FADS2: variants seen among roughly 807,000 people sequenced by gnomAD.
The protein encoded by FADS2 is acyl-CoA 6-desaturase.
In FADS2, 18 loss-of-function variants were observed where a neutral mutation model predicts 61.2. The ratio of observed to expected loss-of-function variants is 0.29; its 90% CI spans 0.20 to 0.44. The LOEUF (loss-of-function observed/expected upper bound fraction) is 0.44, where lower values mean the gene tolerates loss of function less well. Ranked by LOEUF, FADS2 falls within the 20% of genes least tolerant of loss-of-function variation. The probability of loss-of-function intolerance (pLI) is 1.00; values close to 1 mark genes in which losing one functional copy is unlikely to be tolerated. For synonymous variants in FADS2, 203 were observed against 223.9 expected, an observed-to-expected ratio of 0.91 and a Z score of 0.83; for missense variants, 322 against 572.7, an observed-to-expected ratio of 0.56 and a Z score of 4.47.
At position 61,865,804 on chromosome 11, in the gene FADS2, G is replaced by A. The variant is rs2067463855; in HGVS notation, c.*115G>A. ...GAGGCTGGTGTATGCACTGCTCACGGACCCCATGTTGGATCTTTCTCCCTT... is the reference window on the plus strand; with the variant it reads ...GAGGCTGGTGTATGCACTGCTCACGAACCCCATGTTGGATCTTTCTCCCTT... On this transcript the variant is annotated 3_prime_UTR_variant, in exon 12 of 12. Coordinates refer to ENST00000278840, the MANE Select transcript of FADS2 (RefSeq NM_004265.4). The surrounding 1 kb of genome is among the most constrained non-coding windows in gnomAD (Gnocchi z 4.1). 1.2e-6 allele frequency: 1 copy of A among 821,482 alleles called. No homozygotes were observed. The highest frequency in any genetic ancestry group is 2.3e-5 in the Admixed American group (1 of 44,386). The allele number at this position is 821,482 out of a possible 1,614,324, so 50.9% of individuals were successfully genotyped here. A position where few individuals can be genotyped will look rare whatever the true frequency, so the allele number is the denominator to read the frequency against.
At position 61,863,169 on chromosome 11, in the gene FADS2, C is replaced by G; in HGVS notation, c.980+100C>G. 6 of 1,437,458 alleles carry G rather than the reference C, an allele frequency of 4.2e-6. No individual in the cohort carries two copies. In the South Asian group the frequency reaches 6.9e-5, roughly 17 times the overall value. 89.0% of individuals were successfully genotyped at this position (1,437,458 alleles called of 1,614,324 possible). ...GGACGGCTCCACTTTGCCTGGGGACCTCCCATCCTGGCCCCTTGGCAGGGG... is the reference window on the plus strand; with the variant it reads ...GGACGGCTCCACTTTGCCTGGGGACGTCCCATCCTGGCCCCTTGGCAGGGG... On this transcript the variant is annotated intron_variant, in intron 8 of 11. Coordinates refer to ENST00000278840, the MANE Select transcript of FADS2 (RefSeq NM_004265.4).
intron 7 of FADS2, among the ~76,000 whole-genome samples, chr11:61,861,526 T>C (rs2135979711): frequency 6.6e-6 from 1 of 151,968 alleles, no homozygotes; most frequent in African/African-American, 2.4e-5. Flanking sequence ...TGTTTCCATA[T>C]ATGTGTAGAT....
Position 61,828,312 on chromosome 11 carries a change from C to T in FADS2, c.-79C>T. On this transcript the variant is annotated 5_prime_UTR_variant, in exon 1 of 12. Transcript: ENST00000278840. This position sits in a 1 kb window ranked among gnomAD's most constrained non-coding sequence, Gnocchi z 6.4. The stretch of plus-strand genomic sequence containing the variant: ...AGAGGGCCCGGGCTGCACACACCGG[C>T]TGGGAGGCAGCCGTCTGTGCAGCGA... 3 of 1,520,604 alleles carry T rather than the reference C, an allele frequency of 2.0e-6. No individual in the cohort carries two copies. Among genetic ancestry groups the T allele is most frequent in the African/African-American group, 2.8e-5 (2 of 72,648 alleles). 94.2% of individuals were successfully genotyped at this position (1,520,604 alleles called of 1,614,324 possible). A position where few individuals can be genotyped will look rare whatever the true frequency, so the allele number is the denominator to read the frequency against.
intron 5 of FADS2, among the ~76,000 whole-genome samples, chr11:61,853,042 C>A (rs970241423): frequency 2.0e-5 from 3 of 152,102 alleles, no homozygotes; most frequent in African/African-American, 7.2e-5. Flanking sequence ...GTAGTCTCGG[C>A]TACTCTGGAG....
intron 1 of FADS2, among the ~76,000 whole-genome samples, chr11:61,835,663 C>T (rs2067168004): frequency 6.6e-6 from 1 of 151,982 alleles, no homozygotes; most frequent in South Asian, 2.1e-4. Context: ...CCTCGGCCTC[C>T]CAAAGTGCTG....
chr11:61,833,404 G>A (rs757166768), intron 1 of FADS2, among the ~76,000 whole-genome samples: 1 of 152,192 alleles, frequency 6.6e-6, no homozygotes, highest in Non-Finnish European at 1.5e-5. Flanking sequence ...GCCAGCGTTT[G>A]AGACACATTT....
intron 1 of FADS2, among the ~76,000 whole-genome samples, chr11:61,831,599 C>G (rs1005889847): frequency 2.6e-5 from 4 of 152,180 alleles, no homozygotes; most frequent in Non-Finnish European, 5.9e-5. Context: ...TCCACAGAAG[C>G]TAAACCCTGA....
chr11:61,824,437 AGGGAGGGAGGGAGGGAG>A (rs1565325189), upstream of FADS2, among the ~76,000 whole-genome samples: 6 of 4,560 alleles, frequency 1.3e-3, no homozygotes, highest in African/African-American at 1.8e-3. Flanking sequence ...AGAGAGAGGG[AGGGAGGGAGGGAGGGAG>A]GGAGGGAGAG....
At chr11:61,861,666 G>T (rs537049918) in intron 7 of FADS2, among the ~76,000 whole-genome samples, 2 of 152,156 alleles carry the variant, frequency 1.3e-5, no homozygotes, top group Non-Finnish European at 2.9e-5. Context: ...TCCTGCCCTC[G>T]GCCAATGTTG....
In FADS2 at chr11:61,840,952, A is replaced by C. The variant is rs1048292904; in HGVS notation, c.618+227A>C. On this transcript the variant is annotated intron_variant, in intron 4 of 11. Transcript: ENST00000278840. ...CTACTCATTATGAAGACAGGCACAC[A>C]CCTTTCTTGTCTTTTGGCTCAGCGG... Among the ~76,000 whole-genome samples the C allele has an allele frequency of 2.0e-5, 3 of 152,142 alleles. No individual in the cohort carries two copies. The South Asian group carries it at 6.2e-4, about 32-fold the overall frequency.
chr11:61,861,362 A>AAAAAAAAAAAAAAAAAAACAAAAAAAC (rs2067414056), intron 7 of FADS2, among the ~76,000 whole-genome samples: 1 of 143,386 alleles, frequency 7.0e-6, no homozygotes, highest in Admixed American at 6.9e-5. Flanking sequence ...TCAAAAAAAA[A>AAAAAAAAAAAAAAAAAAACAAAAAAAC]AAAAAAAAAC....
At chr11:61,854,253 G>C (rs1354804195) in intron 5 of FADS2, 1 of 152,294 alleles carries the variant, frequency 6.6e-6, no homozygotes, top group Non-Finnish European at 1.5e-5. Flanking sequence ...GGGGCTCTGA[G>C]CCCCCAGTTG....
chr11:61,838,156 A>G (rs1385839857), intron 2 of FADS2, among the ~76,000 whole-genome samples: 1 of 152,152 alleles, frequency 6.6e-6, no homozygotes, highest in Non-Finnish European at 1.5e-5. Flanking sequence ...AAGGTGCCAG[A>G]TGACAATCTA....
intron 9 of FADS2, 124 bp downstream of exon 9, chr11:61,863,502 G>A: frequency 1.2e-6 from 1 of 819,334 alleles, no homozygotes; most frequent in Non-Finnish European, 2.0e-6. Flanking sequence ...TCCTTTTGCT[G>A]GGAGCTTCAG....
At chr11:61,824,164 C>G (rs174565), upstream of FADS2, among the ~76,000 whole-genome samples, 23,261 of 151,518 alleles carry the variant, frequency 0.15, 3,193 homozygotes, top group East Asian at 0.55. Context: ...GGCAGATCAC[C>G]TGAGGTCGGG....
At chr11:61,854,363 CG>C (rs1274964878) in intron 5 of FADS2, 1 of 152,252 alleles carries the variant, frequency 6.6e-6, no homozygotes, top group Non-Finnish European at 1.5e-5. Context: ...ACCCGTGAGG[CG>C]GGAGCTGTCA....
At chr11:61,826,623 A>C (rs548545950), upstream of FADS2, 1 of 564,034 alleles carries the variant, frequency 1.8e-6, no homozygotes, top group Non-Finnish European at 3.1e-6. Context: ...TTTGTACAGA[A>C]GGCTTTTGTT....
At chr11:61,822,671 G>T (rs1357991114) in intron 1 of FADS2, among the ~76,000 whole-genome samples, 1 of 151,968 alleles carries the variant, frequency 6.6e-6, no homozygotes, top group Non-Finnish European at 1.5e-5. Flanking sequence ...CATTTTGCTG[G>T]GCCTTTAATG....
chr11:61,856,295 A>C (rs2067358650), intron 5 of FADS2: 1 of 152,246 alleles, frequency 6.6e-6, no homozygotes, highest in African/African-American at 2.4e-5. Flanking sequence ...GCCTCTGGGC[A>C]TCAGGCTGCC....
Sources: gnomAD v4.1 joint callset for allele counts (sites outside exome capture counted in the v4.1 genomes callset) on GRCh38, gnomAD v4.1.1 for gene constraint, Gnocchi (gnomAD v3.1) non-coding constraint, MANE v1.5 for transcripts, NCBI Gene and HGNC (gene_info 2026-07-23, HGNC 2026-07-21) for gene names.